The following PCDH15 variants were observed in gnomAD, a reference collection of about 807,000 sequenced individuals.
PCDH15 encodes the protein protocadherin related 15.
Under a neutral mutation model 178.5 loss-of-function variants are expected in PCDH15, and 129 were observed. The ratio of observed to expected loss-of-function variants is 0.72; its 90% confidence interval spans 0.63 to 0.84. PCDH15 has a LOEUF of 0.84. PCDH15 is among the 40% of genes least tolerant of loss of function. The probability of loss-of-function intolerance (pLI) is 0.00; values close to 1 mark genes in which losing one functional copy is unlikely to be tolerated. For missense variants in PCDH15, 2,230 were observed against 2,099.9 expected (o/e 1.06, Z -1.21); for synonymous variants, 800 against 732.0 (o/e 1.09, Z -1.50).
intron 11 of PCDH15, among the ~76,000 whole-genome samples, chr10:54,191,398 T>G (rs72797094): frequency 0.19 from 29,316 of 152,014 alleles, 3,161 homozygotes; most frequent in Non-Finnish European, 0.23. Flanking sequence ...CAAGCCAGCC[T>G]GTGCAACAGA....
chr10:54,846,189 A>G (rs1415153435), intron 3 of PCDH15, among the ~76,000 whole-genome samples: 2 of 152,128 alleles, frequency 1.3e-5, no homozygotes, highest in Non-Finnish European at 2.9e-5. Flanking sequence ...GACATATTGG[A>G]AAATAATGTT....
intron 2 of PCDH15, among the ~76,000 whole-genome samples, chr10:55,461,348 C>T (rs1473552384): frequency 3.3e-5 from 5 of 152,112 alleles, no homozygotes; most frequent in African/African-American, 1.2e-4. Flanking sequence ...AATACAGTGC[C>T]TATTACACTA....
At position 54,091,822 on chromosome 10, in the gene PCDH15, T is replaced by C. The variant is rs951092936; in HGVS notation, c.1918-1759A>G. ...CTCATTTTATAAGACTTATTTTATATTGGATTGTTCCAAAGGTTGGTCCTT... is the reference window on the plus strand; with the variant it reads ...CTCATTTTATAAGACTTATTTTATACTGGATTGTTCCAAAGGTTGGTCCTT... On this transcript the variant is annotated intron_variant, in intron 15 of 37. Coordinates refer to ENST00000644397, the MANE Select transcript of PCDH15 (RefSeq NM_001384140.1). 2.0e-5 allele frequency among the ~76,000 whole-genome samples: 3 copies of C among 152,172 alleles called. 1 individual carries two copies. In the East Asian group the frequency reaches 5.8e-4, roughly 29 times the overall value.
intron 20 of PCDH15, among the ~76,000 whole-genome samples, chr10:54,003,873 T>C (rs182279275): frequency 8.8e-4 from 134 of 152,084 alleles, no homozygotes; most frequent in African/African-American, 3.0e-3. Flanking sequence ...TTGATGAATA[T>C]TGATGCAAAA....
chr10:54,935,675 A>C (rs537452773), intron 2 of PCDH15, among the ~76,000 whole-genome samples: 2 of 152,204 alleles, frequency 1.3e-5, no homozygotes, highest in South Asian at 4.1e-4. Flanking sequence ...TCCTGAACTT[A>C]TATTTTGCAA....
chr10:54,247,686 T>C (rs527721576), intron 8 of PCDH15, among the ~76,000 whole-genome samples: 5 of 151,868 alleles, frequency 3.3e-5, no homozygotes, highest in South Asian at 2.1e-4. Context: ...TCCAATAGAA[T>C]GAACGGTGAA....
rs117678132 is a variant in PCDH15, at chr10:55,595,162, G to T, written c.-156+32463C>A. Among the ~76,000 whole-genome samples, 293 of 151,898 alleles carry T rather than the reference G, an allele frequency of 1.9e-3. 11 individuals are homozygous for T. In the South Asian group the frequency reaches 0.03, roughly 16 times the overall value. ...TTTTATTCTAACCATCAATCATAAT[G>T]GTATAGTATGATAAAGGTAGAACAT... On this transcript the variant is annotated intron_variant, in intron 2 of 5. Coordinates refer to the PCDH15 transcript ENST00000613346.
At chr10:55,500,498 C>T (rs960228920) in intron 2 of PCDH15, among the ~76,000 whole-genome samples, 5 of 151,702 alleles carry the variant, frequency 3.3e-5, no homozygotes, top group African/African-American at 1.2e-4. Context: ...CATTTCTCTA[C>T]CTGTAATATG....
intron 2 of PCDH15, among the ~76,000 whole-genome samples, chr10:54,629,892 G>A (rs751171580): frequency 1.3e-5 from 2 of 152,086 alleles, no homozygotes; most frequent in Non-Finnish European, 2.9e-5. Flanking sequence ...CTGCAGTAAA[G>A]TTTCAGGATC....
At chr10:55,346,756 G>A (rs1844765559) in intron 2 of PCDH15, among the ~76,000 whole-genome samples, 1 of 151,404 alleles carries the variant, frequency 6.6e-6, no homozygotes, top group Non-Finnish European at 1.5e-5. Context: ...TCTAAATAGA[G>A]TATTATTTCT....
chr10:54,998,342 A>C (rs1225446977), intron 2 of PCDH15, among the ~76,000 whole-genome samples: 1 of 152,118 alleles, frequency 6.6e-6, no homozygotes, highest in African/African-American at 2.4e-5. Flanking sequence ...TACATATGTA[A>C]CTAACCTGCA....
At chr10:54,529,600 T>C (rs1430429269) in intron 2 of PCDH15, among the ~76,000 whole-genome samples, 1 of 152,130 alleles carries the variant, frequency 6.6e-6, no homozygotes, top group Non-Finnish European at 1.5e-5. Flanking sequence ...TGAATCCTCT[T>C]ACTGTTGCTG....
intron 3 of PCDH15, 127 bp from the exon 4 acceptor site, chr10:54,379,069 T>A: frequency 1.0e-6 from 1 of 959,172 alleles, no homozygotes; most frequent in Non-Finnish European, 1.7e-6. Flanking sequence ...ACTGTATATC[T>A]AGCATAAGAC....
At chr10:54,913,143 T>A (rs1307136036) in intron 2 of PCDH15, among the ~76,000 whole-genome samples, 2 of 152,160 alleles carry the variant, frequency 1.3e-5, no homozygotes, top group African/African-American at 4.8e-5. Flanking sequence ...GAAATTTACA[T>A]AAGTAAAGAG....
chr10:54,553,427 TC>T (rs1266397949), intron 2 of PCDH15, among the ~76,000 whole-genome samples: 2 of 152,206 alleles, frequency 1.3e-5, no homozygotes, highest in Non-Finnish European at 2.9e-5. Context: ...GGAAATAGAA[TC>T]TATTTTAGGA....
At chr10:55,018,420 A>T (rs1301556990) in intron 2 of PCDH15, among the ~76,000 whole-genome samples, 3 of 152,146 alleles carry the variant, frequency 2.0e-5, no homozygotes, top group Admixed American at 2.0e-4. Context: ...AATACCTAAT[A>T]CAATGAAGAC....
rs2090094274 is a variant in PCDH15, at chr10:53,975,292, T to C, written c.2869-13400A>G. On this transcript the variant is annotated intron_variant, in intron 21 of 37. Coordinates refer to ENST00000644397, the MANE Select transcript of PCDH15 (RefSeq NM_001384140.1). ...AGAGCAATTTATTTTTCTTTGGTTA[T>C]ATACCCAGTAATGGAATTGCTAGGT... Among the ~76,000 whole-genome samples, 3 of 152,200 alleles carry C rather than the reference T, an allele frequency of 2.0e-5. No individual in the cohort carries two copies. In the South Asian group the frequency reaches 6.2e-4, roughly 31 times the overall value.
intron 20 of PCDH15, among the ~76,000 whole-genome samples, chr10:54,018,038 A>G (rs2092798134): frequency 6.6e-6 from 1 of 152,176 alleles, no homozygotes; most frequent in African/African-American, 2.4e-5. Flanking sequence ...TTAGCAGGAT[A>G]ACAATCATAC....
At chr10:54,391,197 A>G (rs1950510555) in intron 3 of PCDH15, among the ~76,000 whole-genome samples, 1 of 152,220 alleles carries the variant, frequency 6.6e-6, no homozygotes, top group Non-Finnish European at 1.5e-5. Context: ...TGCTGCAGCC[A>G]CTTGATCATC....
Sources: gnomAD v4.1 joint callset for allele counts (sites outside exome capture counted in the v4.1 genomes callset) on GRCh38, gnomAD v4.1.1 for gene constraint, MANE v1.5 for transcripts, NCBI Gene and HGNC (gene_info 2026-07-23, HGNC 2026-07-21) for gene names.